COLEC11: variants seen among roughly 807,000 people sequenced by gnomAD.
COLEC11 encodes collectin-11.
Under a neutral mutation model 27.3 loss-of-function variants are expected in COLEC11, and 20 were observed. That is an observed-to-expected ratio of 0.73 (90% CI 0.51 to 1.06). The LOEUF (loss-of-function observed/expected upper bound fraction) is 1.06. COLEC11 is among the 50% of genes least tolerant of loss of function. The probability of loss-of-function intolerance (pLI) is 0.00; values close to 1 mark genes in which losing one functional copy is unlikely to be tolerated. For missense variants in COLEC11, 310 were observed against 383.0 expected (o/e 0.81, Z 1.59); for synonymous variants, 163 against 154.7 (o/e 1.05, Z -0.40).
intron 2 of COLEC11, 87 bp from the exon 3 acceptor site, chr2:3,613,224 C>G (rs569819908): frequency 7.0e-7 from 1 of 1,419,606 alleles, no homozygotes; most frequent in African/African-American, 1.4e-5. Flanking sequence ...CCGGGGAGAA[C>G]GCTTCTAACT....
chr2:3,618,640 C>T (rs1302037826), intron 3 of COLEC11, among the ~76,000 whole-genome samples: 6 of 152,128 alleles, frequency 3.9e-5, no homozygotes, highest in African/African-American at 1.4e-4. Flanking sequence ...GTTTTTCTTG[C>T]TTAAGGCTGC....
chr2:3,624,689 G>A (rs1243829592), intron 3 of COLEC11, among the ~76,000 whole-genome samples: 1 of 152,182 alleles, frequency 6.6e-6, no homozygotes, highest in Non-Finnish European at 1.5e-5. Context: ...CCTCATCAGT[G>A]CATCTATTCT....
chr2:3,632,211 T>C (rs984387108), intron 3 of COLEC11, among the ~76,000 whole-genome samples: 3 of 152,224 alleles, frequency 2.0e-5, no homozygotes, highest in Non-Finnish European at 2.9e-5. Flanking sequence ...GGGCCAGGCC[T>C]GTCTGATGGC....
chr2:3,622,002 C>A (rs1400254072), intron 3 of COLEC11, among the ~76,000 whole-genome samples: 1 of 151,926 alleles, frequency 6.6e-6, no homozygotes, highest in Non-Finnish European at 1.5e-5. Context: ...CATGGTGAAA[C>A]CTCGTCTCTA....
At chr2:3,611,255 C>T (rs1233218524) in intron 2 of COLEC11, among the ~76,000 whole-genome samples, 1 of 152,222 alleles carries the variant, frequency 6.6e-6, no homozygotes, top group Non-Finnish European at 1.5e-5. Flanking sequence ...AATGCTTCCT[C>T]CTCACCGCTG....
chr2:3,629,690 T>C (rs972268254), intron 3 of COLEC11, among the ~76,000 whole-genome samples: 2 of 152,192 alleles, frequency 1.3e-5, no homozygotes, highest in African/African-American at 4.8e-5. Context: ...TATGCATGGG[T>C]ATGTCATGTG....
chr2:3,628,598 C>T (rs982366769), intron 3 of COLEC11, among the ~76,000 whole-genome samples: 1 of 152,154 alleles, frequency 6.6e-6, no homozygotes, highest in East Asian at 1.9e-4. Flanking sequence ...GAGGGAGTGT[C>T]CTGTTGGGAA....
At chr2:3,641,971 G>C (rs1665900856) in intron 5 of COLEC11, among the ~76,000 whole-genome samples, 1 of 152,230 alleles carries the variant, frequency 6.6e-6, no homozygotes, top group Non-Finnish European at 1.5e-5. Flanking sequence ...GCCACGGGGA[G>C]CCCCGGCACC....
In COLEC11 at chr2:3,626,456, C is replaced by T. The variant is rs1422677709; in HGVS notation, c.203-11077C>T. On this transcript the variant is annotated intron_variant, in intron 3 of 6. Coordinates refer to ENST00000349077, the MANE Select transcript of COLEC11 (RefSeq NM_024027.5). ...GGGGGTGGGGATCTACCTCCCATGA[C>T]TCCCAGAAGGGTTAAATGGAAGGAT... Among the ~76,000 whole-genome samples the T allele has an allele frequency of 3.3e-5, 5 of 152,222 alleles. No homozygotes were observed. The South Asian group carries it at 1.0e-3, about 32-fold the overall frequency.
intron 3 of COLEC11, among the ~76,000 whole-genome samples, chr2:3,627,550 C>T (rs1472657009): frequency 1.3e-5 from 2 of 149,324 alleles, no homozygotes; most frequent in Non-Finnish European, 3.0e-5. Flanking sequence ...CTGGGCATGA[C>T]ACTGGGCATG....
rs1663860393 is a variant in COLEC11 at position 3,617,577 on chromosome 2, C to T, written c.202+4195C>T. The T allele has an allele frequency of 3.7e-6, 6 of 1,608,178 alleles. No homozygotes were observed. In the South Asian group the frequency reaches 4.4e-5, roughly 12 times the overall value. On this transcript the variant is annotated intron_variant, in intron 3 of 6. Coordinates refer to ENST00000349077, the MANE Select transcript of COLEC11 (RefSeq NM_024027.5). Reference sequence around the variant, plus strand: ...GATTTGCCTGCTTGCTTCTCCTGTTCAGTCGTTTCTTTGGAAGGCAGTGGA... The same window carrying T: ...GATTTGCCTGCTTGCTTCTCCTGTTTAGTCGTTTCTTTGGAAGGCAGTGGA...
chr2:3,601,769 C>A (rs994479424), intron 1 of COLEC11: 1 of 152,322 alleles, frequency 6.6e-6, no homozygotes, highest in Non-Finnish European at 1.5e-5. Flanking sequence ...CTCTAATCCT[C>A]TCTCCCTTCC....
chr2:3,643,308 A>G, intron 5 of COLEC11, 136 bp from the exon 6 acceptor site: 1 of 735,528 alleles, frequency 1.4e-6, no homozygotes, highest in South Asian at 1.5e-5. Flanking sequence ...GAAGTGGGTG[A>G]TGGTTATTGC....
intron 3 of COLEC11, among the ~76,000 whole-genome samples, chr2:3,628,339 T>C: frequency 6.6e-6 from 1 of 152,246 alleles, no homozygotes; most frequent in Non-Finnish European, 1.5e-5. Context: ...TGCCTATCTA[T>C]GGAGGTGGGG....
rs1314019578 is a variant in COLEC11, at chr2:3,644,579, A to G, written c.*461A>G. On this transcript the variant is annotated 3_prime_UTR_variant, in exon 7 of 7. Transcript: ENST00000349077. Reference sequence around the variant, plus strand: ...GTTCCTTCACACTATTATCCATGTAAAAACAATTTTGCTTTGCTTCAAACC... The same window carrying G: ...GTTCCTTCACACTATTATCCATGTAGAAACAATTTTGCTTTGCTTCAAACC... 1 of 385,408 alleles carries G rather than the reference A, an allele frequency of 2.6e-6. No homozygotes were observed. The highest frequency in any genetic ancestry group is 7.3e-5 in the East Asian group (1 of 13,748). The allele number at this position is 385,408 out of a possible 1,614,324, so 23.9% of individuals were successfully genotyped here. A position where few individuals can be genotyped will look rare whatever the true frequency, so the allele number is the denominator to read the frequency against.
chr2:3,637,739 T>A, intron 4 of COLEC11, 135 bp downstream of exon 4: 2 of 788,354 alleles, frequency 2.5e-6, no homozygotes, highest in Admixed American at 4.0e-5. Context: ...AGATAAGAAA[T>A]CTACTGCAGT....
chr2:3,597,173 T>C (rs12477923), intron 1 of COLEC11, among the ~76,000 whole-genome samples: 44,905 of 151,158 alleles, frequency 0.3, 6,980 homozygotes, highest in Middle Eastern at 0.4. Flanking sequence ...GGTCAGTGAA[T>C]GAATGGAGTG....
chr2:3,612,599 T>G (rs978716849), intron 2 of COLEC11, among the ~76,000 whole-genome samples: 5 of 152,092 alleles, frequency 3.3e-5, no homozygotes, highest in Non-Finnish European at 5.9e-5. Flanking sequence ...TTCAGGACAG[T>G]CATTTTGGTG....
intron 2 of COLEC11, among the ~76,000 whole-genome samples, chr2:3,612,520 C>T (rs529173671): frequency 2.4e-4 from 36 of 152,194 alleles, no homozygotes; most frequent in African/African-American, 7.9e-4. Context: ...AGAGACCACA[C>T]TGAGGAGAGG....
Sources: allele counts gnomAD v4.1 joint callset (sites outside exome capture counted in the v4.1 genomes callset), GRCh38; gene constraint gnomAD v4.1.1; transcripts MANE v1.5; gene names NCBI Gene and HGNC (gene_info 2026-07-23, HGNC 2026-07-21).